The following EXOC6 variants were observed in gnomAD, a reference collection of about 807,000 sequenced individuals.
The protein encoded by EXOC6 is SEC15-like 1.
In EXOC6, 60 loss-of-function variants were observed where a neutral mutation model predicts 112.5. The observed-to-expected ratio is 0.53, with a 90% CI of 0.43 to 0.66. The LOEUF is 0.66. Among genes scored for constraint, EXOC6 ranks in the 30% least tolerant of loss-of-function variants. EXOC6 has a pLI of 0.00. For synonymous variants in EXOC6, 295 were observed against 308.0 expected, an observed-to-expected ratio of 0.96 and a Z score of 0.44; for missense variants, 855 against 957.1, an observed-to-expected ratio of 0.89 and a Z score of 1.41.
intron 18 of EXOC6, among the ~76,000 whole-genome samples, chr10:92,992,950 CCTT>C (rs565037347): frequency 4.0e-5 from 6 of 151,646 alleles, no homozygotes; most frequent in East Asian, 3.9e-4. Context: ...AAAATACTTC[CCTT>C]CTTTTGCTTC....
chr10:92,863,892 G>T (rs1438128033), intron 1 of EXOC6, among the ~76,000 whole-genome samples: 1 of 146,852 alleles, frequency 6.8e-6, no homozygotes, highest in Non-Finnish European at 1.5e-5. Context: ...TCCAGCCTGG[G>T]CGACGGAGCG....
At chr10:92,969,323 G>A (rs1318618294) in intron 17 of EXOC6, among the ~76,000 whole-genome samples, 3 of 152,130 alleles carry the variant, frequency 2.0e-5, no homozygotes, top group Non-Finnish European at 4.4e-5. Flanking sequence ...GAGTGAGGAA[G>A]CCTCCAGATG....
chr10:93,006,470 C>T (rs981822721), intron 19 of EXOC6, among the ~76,000 whole-genome samples: 8 of 152,114 alleles, frequency 5.3e-5, no homozygotes, highest in African/African-American at 1.9e-4. Context: ...ATGGAGAAAA[C>T]TAGATACTAC....
At chr10:92,992,561 A>G (rs925836708) in intron 18 of EXOC6, among the ~76,000 whole-genome samples, 3 of 152,132 alleles carry the variant, frequency 2.0e-5, no homozygotes, top group Non-Finnish European at 4.4e-5. Context: ...ATTTCATAAC[A>G]GTATTTACAT....
chr10:92,943,237 C>G (rs910275500), intron 13 of EXOC6, among the ~76,000 whole-genome samples: 3 of 152,122 alleles, frequency 2.0e-5, no homozygotes, highest in Non-Finnish European at 4.4e-5. Flanking sequence ...CCAGGATGGT[C>G]TCGATCTCCT....
intron 20 of EXOC6, among the ~76,000 whole-genome samples, chr10:93,018,009 T>C (rs1269101422): frequency 8.7e-6 from 1 of 114,668 alleles, no homozygotes; most frequent in Non-Finnish European, 1.8e-5. Context: ...AAACTCTGTC[T>C]CAAAAAAAAA....
chr10:92,965,078 T>C (rs562416000), intron 17 of EXOC6, among the ~76,000 whole-genome samples: 2 of 152,322 alleles, frequency 1.3e-5, no homozygotes, highest in East Asian at 3.9e-4. Context: ...AGTTCAGTCT[T>C]ACCCAAATGA....
intron 1 of EXOC6, among the ~76,000 whole-genome samples, chr10:92,852,589 A>G (rs1847404563): frequency 6.6e-6 from 1 of 152,210 alleles, no homozygotes; most frequent in Non-Finnish European, 1.5e-5. Context: ...ATCATGATCA[A>G]GTGAGGTTTA....
At position 92,935,873 on chromosome 10, in the gene EXOC6, A is replaced by G. The variant is rs1216825052; in HGVS notation, c.1200A>G (p.Ala400=). The change falls in exon 12 of 22, where the codon GCA becomes GCG. Residue 400 remains alanine, a synonymous_variant. Coordinates refer to ENST00000260762, the MANE Select transcript of EXOC6 (RefSeq NM_019053.6). ...TGAAGAATCTTACTGTAATATTTGC[A>G]GATACTTTACAGGTGGGTGATAACC... ...LELKNLTVIF[A]DTLQGYGFPV... The G allele has an allele frequency of 1.2e-6, 2 of 1,601,714 alleles. No individual in the cohort carries two copies. Among genetic ancestry groups the G allele is most frequent in the African/African-American group, 1.3e-5 (1 of 74,424 alleles).
chr10:92,908,057 CTT>C (rs10632745), intron 5 of EXOC6, among the ~76,000 whole-genome samples: 5 of 100,704 alleles, frequency 5.0e-5, no homozygotes, highest in East Asian at 6.3e-4. Context: ...AATATAATGT[CTT>C]TTTTTTTTTT....
chr10:92,908,609 G>C (rs185403166), intron 5 of EXOC6, among the ~76,000 whole-genome samples: 6 of 152,186 alleles, frequency 3.9e-5, no homozygotes, highest in African/African-American at 1.4e-4. Context: ...GAATTAATAT[G>C]GTTTCTTGGC....
At chr10:92,830,226 A>G (rs1212970359), upstream of EXOC6, among the ~76,000 whole-genome samples, 2 of 152,228 alleles carry the variant, frequency 1.3e-5, no homozygotes, top group Non-Finnish European at 2.9e-5. Context: ...CGTAACAAAC[A>G]TAATGCTTCC....
At chr10:92,908,577 G>C (rs1363971701) in intron 5 of EXOC6, among the ~76,000 whole-genome samples, 1 of 152,130 alleles carries the variant, frequency 6.6e-6, no homozygotes, top group Admixed American at 6.5e-5. Context: ...CTGATAGTTT[G>C]GTAAGGTCTC....
At chr10:92,833,298 C>T (rs568168596), upstream of EXOC6, among the ~76,000 whole-genome samples, 8 of 152,310 alleles carry the variant, frequency 5.3e-5, no homozygotes, top group South Asian at 1.7e-3. Flanking sequence ...TATATACTTT[C>T]CCCTGAAGGT....
intron 1 of EXOC6, among the ~76,000 whole-genome samples, chr10:92,842,608 T>C (rs1031687332): frequency 3.3e-5 from 5 of 151,238 alleles, no homozygotes; most frequent in African/African-American, 9.7e-5. Context: ...AGAGAGTGCA[T>C]TGAACAGGAT....
rs1850047406 is a variant in EXOC6 at position 92,899,645 on chromosome 10, G to A, written c.458+1G>A. 1 of 1,607,106 alleles carries A rather than the reference G, an allele frequency of 6.2e-7. No individual in the cohort carries two copies. The highest frequency in any genetic ancestry group is 1.3e-5 in the African/African-American group (1 of 74,632). On this transcript the variant is annotated splice_donor_variant, in intron 5 of 21. Coordinates refer to ENST00000260762, the MANE Select transcript of EXOC6 (RefSeq NM_019053.6). LOFTEE classifies it high-confidence loss of function. ...TGAAAGAACAGATGAGTGCCAAAAG[G>A]TGAGTTGGTTTTTTTCCTATTGTTT... is the stretch of plus-strand genomic sequence containing the variant.
intron 13 of EXOC6, among the ~76,000 whole-genome samples, chr10:92,946,932 G>C (rs61862325): frequency 0.011 from 1,722 of 152,028 alleles, 19 homozygotes; most frequent in Non-Finnish European, 0.017. Flanking sequence ...TGTACTTCTT[G>C]TATTGTATGT....
chr10:92,828,651 T>TC (rs397827878), intron 1 of EXOC6, among the ~76,000 whole-genome samples: 2 of 144,046 alleles, frequency 1.4e-5, no homozygotes, highest in Admixed American at 1.4e-4. Context: ...TTTTTTTTTT[T>TC]AATAGACTTC....
chr10:92,888,102 T>TTAA (rs1316351562), intron 1 of EXOC6, among the ~76,000 whole-genome samples: 1 of 152,204 alleles, frequency 6.6e-6, no homozygotes, highest in East Asian at 1.9e-4. Flanking sequence ...TACTAATTCC[T>TTAA]TAATATTATT....
Sources: allele counts gnomAD v4.1 joint callset (sites outside exome capture counted in the v4.1 genomes callset), GRCh38; gene constraint gnomAD v4.1.1; transcripts MANE v1.5; gene names NCBI Gene and HGNC (gene_info 2026-07-23, HGNC 2026-07-21).